ADHFE1: variants seen among roughly 807,000 people sequenced by gnomAD.
ADHFE1 encodes hydroxyacid-oxoacid transhydrogenase, mitochondrial.
ADHFE1 carries 37 observed loss-of-function variants against 54.8 expected under a neutral mutation model. That is an observed-to-expected ratio of 0.68 (90% CI 0.52 to 0.89). The LOEUF is 0.89. ADHFE1 is among the 40% of genes least tolerant of loss of function. The pLI, the probability that ADHFE1 is intolerant of heterozygous loss-of-function variation, is 0.00. For synonymous variants in ADHFE1, 203 were observed against 229.3 expected (o/e 0.89, Z 1.04); for missense variants, 601 against 591.2 (o/e 1.02, Z -0.17).
chr8:66,456,071 C>T (rs564448352), intron 10 of ADHFE1, among the ~76,000 whole-genome samples: 5 of 151,986 alleles, frequency 3.3e-5, no homozygotes, highest in South Asian at 2.1e-4. Flanking sequence ...CCCAGGAAGT[C>T]GAGGCTGCAT....
At chr8:66,442,723 G>T in intron 2 of ADHFE1, 75 bp from the exon 3 acceptor site, 1 of 1,314,652 alleles carries the variant, frequency 7.6e-7, no homozygotes, top group South Asian at 1.3e-5. Flanking sequence ...TATGTTCACT[G>T]CTGGATTTTA....
At chr8:66,447,974 A>C (rs1806116999) in intron 7 of ADHFE1, among the ~76,000 whole-genome samples, 1 of 152,240 alleles carries the variant, frequency 6.6e-6, no homozygotes, top group African/African-American at 2.4e-5. Flanking sequence ...CTTGACAAAC[A>C]TATATGCTCA....
Position 66,448,867 on chromosome 8 carries a change from A to G in ADHFE1, c.631A>G (p.Ile211Val), listed in dbSNP as rs778098866. 3 of 1,613,700 alleles carry G rather than the reference A, an allele frequency of 1.9e-6. No homozygotes were observed. The highest frequency in any genetic ancestry group is 1.3e-5 in the African/African-American group (1 of 74,904). The change falls in exon 8 of 14, where the codon ATC becomes GTC. Residue 211 changes from isoleucine (I) to valine (V), a missense_variant and splice_region_variant. Ile to Val is a conservative substitution (Grantham distance 29). Transcript: ENST00000396623. ...TACTGAAAATCCTTATGTTTTAGGCATCACTTCGAGAGCCATCAAACCCAC... is the reference window on the plus strand; with the variant it reads ...TACTGAAAATCCTTATGTTTTAGGCGTCACTTCGAGAGCCATCAAACCCAC... ...DYEHLKVKIG[I>V]TSRAIKPTLG...
In ADHFE1 at chr8:66,466,462, G is replaced by A. The variant is rs146270087; in HGVS notation, c.1321-1807G>A. On this transcript the variant is annotated intron_variant, in intron 13 of 13. Coordinates refer to ENST00000396623, the MANE Select transcript of ADHFE1 (RefSeq NM_144650.3). Reference sequence around the variant, plus strand: ...CCTAATTATTCTTCTAAGAGTTTTAGGGTTCTAGCTCTTACATTTAGGTTT... The same window carrying A: ...CCTAATTATTCTTCTAAGAGTTTTAAGGTTCTAGCTCTTACATTTAGGTTT... 5.5e-4 allele frequency among the ~76,000 whole-genome samples: 84 copies of A among 152,086 alleles called. No homozygotes were observed. In the East Asian group the frequency reaches 0.015, roughly 28 times the overall value.
chr8:66,444,331 A>T, intron 3 of ADHFE1, 36 bp from the exon 4 acceptor site: 1 of 1,605,454 alleles, frequency 6.2e-7, no homozygotes, highest in Non-Finnish European at 8.5e-7. Context: ...CAACTCTCAA[A>T]TACTCCCTAC....
intron 3 of ADHFE1, 127 bp from the exon 4 acceptor site, chr8:66,444,240 C>T: frequency 1.2e-6 from 1 of 800,358 alleles, no homozygotes; most frequent in Admixed American, 2.5e-5. Flanking sequence ...TGGGAGATGA[C>T]CTGGAAGACC....
At chr8:66,438,130 G>A (rs1214690946) in intron 1 of ADHFE1, among the ~76,000 whole-genome samples, 1 of 152,200 alleles carries the variant, frequency 6.6e-6, no homozygotes, top group East Asian at 1.9e-4. Flanking sequence ...CAACAAGGGA[G>A]TGACATCATT....
chr8:66,459,136 C>T (rs890593178), intron 12 of ADHFE1, among the ~76,000 whole-genome samples: 1 of 152,146 alleles, frequency 6.6e-6, no homozygotes, highest in African/African-American at 2.4e-5. Context: ...TAGTCACGAT[C>T]TCCTTTTGAA....
chr8:66,451,879 C>G, intron 8 of ADHFE1, 74 bp from the exon 9 acceptor site: 1 of 1,554,906 alleles, frequency 6.4e-7, no homozygotes, highest in Non-Finnish European at 8.7e-7. Flanking sequence ...AGCTCCAAGA[C>G]AGGTTGTGAT....
At chr8:66,446,349 C>A (rs1806022371) in intron 6 of ADHFE1, among the ~76,000 whole-genome samples, 1 of 152,146 alleles carries the variant, frequency 6.6e-6, no homozygotes, top group Non-Finnish European at 1.5e-5. Flanking sequence ...GTGCTTGCTG[C>A]CAAGAGGGAA....
At chr8:66,445,087 T>G in intron 5 of ADHFE1, 131 bp from the exon 6 acceptor site, 1 of 884,544 alleles carries the variant, frequency 1.1e-6, no homozygotes, top group Non-Finnish European at 1.7e-6. Context: ...GGCAACAGAA[T>G]GAGACTCCGT....
intron 10 of ADHFE1, among the ~76,000 whole-genome samples, chr8:66,455,076 A>C (rs1806507503): frequency 6.6e-6 from 1 of 152,204 alleles, no homozygotes; most frequent in South Asian, 2.1e-4. Flanking sequence ...GAATCATAGA[A>C]TATGTGGTCT....
intron 1 of ADHFE1, among the ~76,000 whole-genome samples, chr8:66,436,783 C>G (rs188942341): frequency 1.3e-5 from 2 of 152,214 alleles, no homozygotes; most frequent in Admixed American, 1.3e-4. Context: ...CAGGACTGAC[C>G]CCTGAGCCGT....
At chr8:66,435,601 ATTTTTTTTT>A (rs533571994) in intron 1 of ADHFE1, among the ~76,000 whole-genome samples, 1 of 78,258 alleles carries the variant, frequency 1.3e-5, no homozygotes, top group Admixed American at 1.7e-4. Flanking sequence ...TCATTTCAAG[ATTTTTTTTT>A]TTTTTTTTTT....
chr8:66,443,264 A>ATTTTTTTTTTTTTTTTTTTTT (rs540464621), intron 3 of ADHFE1, among the ~76,000 whole-genome samples: 3 of 86,090 alleles, frequency 3.5e-5, no homozygotes, highest in Non-Finnish European at 4.9e-5. Context: ...TAGTCCAGGA[A>ATTTTTTTTTTTTTTTTTTTTT]TTTTTTTTTT....
chr8:66,457,912 A>G (rs1222207786), intron 12 of ADHFE1, among the ~76,000 whole-genome samples: 1 of 152,242 alleles, frequency 6.6e-6, no homozygotes, highest in Non-Finnish European at 1.5e-5. Flanking sequence ...TCCTAATTAT[A>G]GAGAATCAAA....
At position 66,439,363 on chromosome 8, in the gene ADHFE1, G is replaced by A. The variant is rs988380513; in HGVS notation, c.60-799G>A. 2.0e-6 allele frequency: 2 copies of A among 985,698 alleles called. No individual in the cohort carries two copies. The highest frequency in any genetic ancestry group is 2.4e-6 in the Non-Finnish European group (2 of 830,210). The allele number at this position is 985,698 out of a possible 1,614,324, so 61.1% of individuals were successfully genotyped here. ...GTCTTCCCAGCCTCGATCAGAGAGC[G>A]AGCAGGAGAAAGAGAAGCCAGAGGA... On this transcript the variant is annotated intron_variant, in intron 1 of 13. Coordinates refer to ENST00000396623, the MANE Select transcript of ADHFE1 (RefSeq NM_144650.3). This position sits in a 1 kb window ranked among gnomAD's most constrained non-coding sequence, Gnocchi z 4.4.
At chr8:66,444,818 C>T (rs1805941797) in intron 5 of ADHFE1, 70 bp downstream of exon 5, 1 of 1,583,472 alleles carries the variant, frequency 6.3e-7, no homozygotes, top group African/African-American at 1.3e-5. Flanking sequence ...AACTTGCCCC[C>T]AACCAGGCGT....
intron 13 of ADHFE1, among the ~76,000 whole-genome samples, chr8:66,465,021 T>C (rs1017247854): frequency 2.6e-5 from 4 of 152,258 alleles, no homozygotes; most frequent in Admixed American, 6.5e-5. Context: ...TTAGTGTTCA[T>C]CCACGTTGTA....
Sources: allele counts gnomAD v4.1 joint callset (sites outside exome capture counted in the v4.1 genomes callset), GRCh38; gene constraint gnomAD v4.1.1; non-coding constraint Gnocchi (gnomAD v3.1); transcripts MANE v1.5; gene names NCBI Gene and HGNC (gene_info 2026-07-23, HGNC 2026-07-21).